Variants in CD2AP observed in about 807,000 individuals in gnomAD.
The protein encoded by CD2AP is CD2 associated protein.
CD2AP carries 46 observed loss-of-function variants against 85.1 expected under a neutral mutation model. The ratio of observed to expected loss-of-function variants is 0.54; its 90% CI spans 0.43 to 0.69. The LOEUF (loss-of-function observed/expected upper bound fraction) is 0.69. Ranked by LOEUF, CD2AP falls within the 30% of genes least tolerant of loss-of-function variation. The pLI is 0.00. For synonymous variants in CD2AP, 255 were observed against 252.9 expected (o/e 1.01, Z -0.08); for missense variants, 769 against 729.5 (o/e 1.05, Z -0.62).
intron 8 of CD2AP, among the ~76,000 whole-genome samples, chr6:47,578,670 T>G (rs1768376708): frequency 6.6e-6 from 1 of 151,948 alleles, no homozygotes; most frequent in Non-Finnish European, 1.5e-5. Flanking sequence ...TTTTTTTTTT[T>G]TGAGATGCAG....
At chr6:47,530,309 A>G (rs6935672) in intron 2 of CD2AP, among the ~76,000 whole-genome samples, 144,970 of 152,310 alleles carry the variant, frequency 0.95, 69,381 homozygotes, top group East Asian at 1. Flanking sequence ...CTGGCACAAT[A>G]AAGATGCAGA....
chr6:47,559,930 A>G (rs1767806263), intron 5 of CD2AP, among the ~76,000 whole-genome samples: 1 of 152,124 alleles, frequency 6.6e-6, no homozygotes, highest in Non-Finnish European at 1.5e-5. Flanking sequence ...AGAGAAACCT[A>G]AGTCATGATT....
chr6:47,601,450 C>A (rs1365431312), intron 13 of CD2AP, among the ~76,000 whole-genome samples: 1 of 151,906 alleles, frequency 6.6e-6, no homozygotes, highest in African/African-American at 2.4e-5. Flanking sequence ...CTGTAAAGTT[C>A]AGAAAATACA....
rs1489877435 is a variant in CD2AP, at chr6:47,606,208, T to C, written c.1461T>C (p.Leu487=). The C allele has an allele frequency of 1.2e-6, 2 of 1,611,644 alleles. No homozygotes were observed. Among genetic ancestry groups the C allele is most frequent in the Non-Finnish European group, 1.7e-6 (2 of 1,177,956 alleles). ...ACATAGCTTCCTCAGAAAACTTGCT[T>C]CATCTCACTGCAAATAGACCAAAGA... is the stretch of plus-strand genomic sequence containing the variant. ...FDDIASSENL[L]HLTANRPKMP... The change falls in exon 14 of 18, where the codon CTT becomes CTC. Residue 487 remains leucine, a synonymous_variant. Transcript: ENST00000359314.
chr6:47,535,807 G>A (rs1229803329), intron 3 of CD2AP, among the ~76,000 whole-genome samples: 2 of 152,022 alleles, frequency 1.3e-5, no homozygotes, highest in African/African-American at 2.4e-5. Context: ...TTAGGCCCAC[G>A]GGAGGTTTTT....
chr6:47,606,507 CCACAGAG>C (rs1769276662), intron 14 of CD2AP, among the ~76,000 whole-genome samples: 1 of 151,918 alleles, frequency 6.6e-6, no homozygotes, highest in Non-Finnish European at 1.5e-5. Flanking sequence ...GAGGCTATAG[CCACAGAG>C]CACAGGGTCA....
At chr6:47,491,605 A>G (rs1338212074) in intron 1 of CD2AP, among the ~76,000 whole-genome samples, 2 of 152,092 alleles carry the variant, frequency 1.3e-5, no homozygotes, top group Admixed American at 6.5e-5. Flanking sequence ...CAATGCCCAT[A>G]CAACTTATGC....
At chr6:47,597,146 T>G (rs1768973846) in intron 12 of CD2AP, among the ~76,000 whole-genome samples, 1 of 150,516 alleles carries the variant, frequency 6.6e-6, no homozygotes, top group Non-Finnish European at 1.5e-5. Flanking sequence ...TTAAAACACT[T>G]GGGGGAATTA....
chr6:47,598,709 C>T (rs1769021105), intron 12 of CD2AP, among the ~76,000 whole-genome samples: 1 of 150,278 alleles, frequency 6.7e-6, no homozygotes, highest in Non-Finnish European at 1.5e-5. Flanking sequence ...TGTGAGGACA[C>T]AAAAGCATGA....
At chr6:47,587,809 A>G (rs4711886) in intron 11 of CD2AP, among the ~76,000 whole-genome samples, 49 of 151,996 alleles carry the variant, frequency 3.2e-4, no homozygotes, top group Non-Finnish European at 6.5e-4. Context: ...CTCACTTCCT[A>G]TACACACATA....
chr6:47,510,485 A>T (rs879663607), intron 2 of CD2AP, among the ~76,000 whole-genome samples: 5 of 152,134 alleles, frequency 3.3e-5, no homozygotes, highest in African/African-American at 1.2e-4. Context: ...TTAAGTGGTT[A>T]AAAAAACAAA....
At chr6:47,559,092 A>G (rs1030377145) in intron 5 of CD2AP, among the ~76,000 whole-genome samples, 1 of 151,640 alleles carries the variant, frequency 6.6e-6, no homozygotes, top group Admixed American at 6.6e-5. Context: ...TTTCTTCTAT[A>G]TTTTCTAGTT....
rs1765344947 is a variant in CD2AP at position 47,477,979 on chromosome 6, T to TAGGGCCCTCCCGCCGCCGTGGC, written c.-265_-244dup. ...GAAAACCGCGGTCGGGCGGGCGGGG[T>TAGGGCCCTCCCGCCGCCGTGGC]AGGGCCCTCCCGCCGCCGTGGCTCC... On this transcript the variant is annotated 5_prime_UTR_variant, in exon 1 of 18. Coordinates refer to ENST00000359314, the MANE Select transcript of CD2AP (RefSeq NM_012120.3). 7 of 552,630 alleles carry TAGGGCCCTCCCGCCGCCGTGGC rather than the reference T, an allele frequency of 1.3e-5. No homozygotes were observed. The highest frequency in any genetic ancestry group is 2.2e-5 in the Non-Finnish European group (7 of 311,818). 34.2% of individuals were successfully genotyped at this position (552,630 alleles called of 1,614,324 possible). A position where few individuals can be genotyped will look rare whatever the true frequency, so the allele number is the denominator to read the frequency against.
At chr6:47,622,617 G>T (rs1158508414) in intron 17 of CD2AP, among the ~76,000 whole-genome samples, 1 of 152,170 alleles carries the variant, frequency 6.6e-6, no homozygotes, top group Non-Finnish European at 1.5e-5. Context: ...AGTTTCTCCA[G>T]TGCGGGGTGT....
chr6:47,572,962 A>G (rs1188942989), intron 5 of CD2AP, among the ~76,000 whole-genome samples: 8 of 151,996 alleles, frequency 5.3e-5, no homozygotes, highest in Non-Finnish European at 1.0e-4. Flanking sequence ...GTTACCACAT[A>G]TTTTTCCTTA....
At chr6:47,528,622 T>G (rs905278163) in intron 2 of CD2AP, among the ~76,000 whole-genome samples, 2 of 152,230 alleles carry the variant, frequency 1.3e-5, no homozygotes, top group African/African-American at 4.8e-5. Flanking sequence ...TGCTACTGTT[T>G]TAGGCAGTGG....
chr6:47,610,123 C>T (rs1301901939), intron 16 of CD2AP, among the ~76,000 whole-genome samples: 1 of 152,108 alleles, frequency 6.6e-6, no homozygotes, highest in Non-Finnish European at 1.5e-5. Flanking sequence ...AACAAATTTA[C>T]AAGATCACCT....
In CD2AP at chr6:47,579,504, T is replaced by C. The variant is rs759885985; in HGVS notation, c.1008+15T>C. 4.8e-6 allele frequency: 7 copies of C among 1,465,884 alleles called. No individual in the cohort carries two copies. In the Admixed American group the frequency reaches 1.0e-4, roughly 21 times the overall value. 90.8% of individuals were successfully genotyped at this position (1,465,884 alleles called of 1,614,324 possible). On this transcript the variant is annotated intron_variant, in intron 9 of 17. Coordinates refer to ENST00000359314, the MANE Select transcript of CD2AP (RefSeq NM_012120.3). ...AAGACTTTCCAGTAAGCTTTTGTTT[T>C]TCAATGATGATAATACTTGAAAGAA... is the stretch of plus-strand genomic sequence containing the variant.
intron 4 of CD2AP, among the ~76,000 whole-genome samples, chr6:47,550,185 G>T (rs1767474654): frequency 6.6e-6 from 1 of 152,072 alleles, no homozygotes; most frequent in South Asian, 2.1e-4. Context: ...AAAAGCAAAT[G>T]CACTAAAAAC....
Sources: gnomAD v4.1 joint callset for allele counts (sites outside exome capture counted in the v4.1 genomes callset) on GRCh38, gnomAD v4.1.1 for gene constraint, MANE v1.5 for transcripts, NCBI Gene and HGNC (gene_info 2026-07-23, HGNC 2026-07-21) for gene names.